RFX3: variants seen among roughly 807,000 people sequenced by gnomAD.
The protein encoded by RFX3 is regulatory factor X3.
A neutral mutation model predicts 98.6 loss-of-function variants in RFX3; 14 were observed. The ratio of observed to expected loss-of-function variants is 0.14; its 90% CI spans 0.09 to 0.22. The LOEUF (loss-of-function observed/expected upper bound fraction) is 0.22, where lower values mean the gene tolerates loss of function less well. Among genes scored for constraint, RFX3 ranks in the 10% least tolerant of loss-of-function variants. The probability of loss-of-function intolerance (pLI) is 1.00; values close to 1 mark genes in which losing one functional copy is unlikely to be tolerated. For missense variants in RFX3, 639 were observed against 926.9 expected, an observed-to-expected ratio of 0.69 and a Z score of 4.03; for synonymous variants, 383 against 328.4, an observed-to-expected ratio of 1.17 and a Z score of -1.80.
At chr9:3,239,972 G>C (rs1028376737) in intron 15 of RFX3, among the ~76,000 whole-genome samples, 2 of 152,182 alleles carry the variant, frequency 1.3e-5, no homozygotes, top group African/African-American at 2.4e-5. Flanking sequence ...AGCCAAAAAG[G>C]GGCAGCTGTT....
At chr9:3,300,312 A>C (rs1828495139) in intron 5 of RFX3, among the ~76,000 whole-genome samples, 1 of 151,792 alleles carries the variant, frequency 6.6e-6, no homozygotes, top group Admixed American at 6.6e-5. Context: ...TGTATGTATA[A>C]TTTGTCACCA....
chr9:3,512,047 G>C (rs764587846), intron 1 of RFX3, among the ~76,000 whole-genome samples: 2 of 152,030 alleles, frequency 1.3e-5, no homozygotes, highest in South Asian at 4.1e-4. Flanking sequence ...TGCATGTATC[G>C]AAATATCCCT....
intron 4 of RFX3, among the ~76,000 whole-genome samples, chr9:3,302,471 C>A (rs1828780066): frequency 6.6e-6 from 1 of 151,770 alleles, no homozygotes; most frequent in Non-Finnish European, 1.5e-5. Context: ...GCATTAAAAA[C>A]AGGTACTGAA....
intron 1 of RFX3, among the ~76,000 whole-genome samples, chr9:3,480,523 T>C (rs779794085): frequency 5.3e-5 from 8 of 152,180 alleles, no homozygotes; most frequent in Non-Finnish European, 1.0e-4. Context: ...ATGCCATCAA[T>C]GTAATAGACA....
intron 15 of RFX3, among the ~76,000 whole-genome samples, chr9:3,241,071 C>T (rs895974750): frequency 6.6e-6 from 1 of 152,160 alleles, no homozygotes; most frequent in Non-Finnish European, 1.5e-5. Flanking sequence ...AAGTCTTCAA[C>T]TTCTATTTTG....
rs912840170 is a variant in RFX3 at position 3,342,378 on chromosome 9, G to C, written c.215+4289C>G. 5.3e-5 allele frequency among the ~76,000 whole-genome samples: 8 copies of C among 152,256 alleles called. No individual in the cohort carries two copies. In the East Asian group the frequency reaches 1.5e-3, roughly 29 times the overall value. On this transcript the variant is annotated intron_variant, in intron 3 of 16. Transcript: ENST00000617270. ...AGGGACTAATGTACAATGGATCATG[G>C]TATGAGAAGTTATGTACTGGAGTTG...
At chr9:3,342,801 A>G (rs534717714) in intron 3 of RFX3, among the ~76,000 whole-genome samples, 2 of 152,328 alleles carry the variant, frequency 1.3e-5, no homozygotes, top group African/African-American at 4.8e-5. Flanking sequence ...GTAAGAATTT[A>G]TAGAAATAAA....
At chr9:3,383,816 G>A (rs1263228732) in intron 2 of RFX3, among the ~76,000 whole-genome samples, 1 of 152,030 alleles carries the variant, frequency 6.6e-6, no homozygotes, top group African/African-American at 2.4e-5. Flanking sequence ...CTGGTAAGCG[G>A]AAAACCTGAT....
rs927571230 is a variant in RFX3 at position 3,399,769 on chromosome 9, G to C, written c.-8-4173C>G. 3.3e-5 allele frequency among the ~76,000 whole-genome samples: 5 copies of C among 151,890 alleles called. No individual in the cohort carries two copies. In the South Asian group the frequency reaches 6.2e-4, roughly 19 times the overall value. On this transcript the variant is annotated intron_variant, in intron 1 of 16. Transcript: ENST00000617270. Reference sequence around the variant, plus strand: ...GTTTGAGACCAGCCTGAACAACATGGTGAAACCCCGCCTCTACTAAAATAC... The same window carrying C: ...GTTTGAGACCAGCCTGAACAACATGCTGAAACCCCGCCTCTACTAAAATAC...
intron 1 of RFX3, among the ~76,000 whole-genome samples, chr9:3,520,662 C>T (rs1331246588): frequency 2.0e-5 from 3 of 152,090 alleles, no homozygotes; most frequent in African/African-American, 4.8e-5. Context: ...GCATGAAGTA[C>T]GGATTGCATT....
Position 3,477,915 on chromosome 9 carries a change from A to G in RFX3, c.-9+47832T>C, listed in dbSNP as rs1849410517. On this transcript the variant is annotated intron_variant, in intron 1 of 16. Transcript: ENST00000617270. ...AAGATTCCTTCATTTGCCAATTTAT[A>G]TCTGTTGTTGAGCTCCTCTAGTGAA... Among the ~76,000 whole-genome samples, 4 of 152,066 alleles carry G rather than the reference A, an allele frequency of 2.6e-5. No individual in the cohort carries two copies. In the South Asian group the frequency reaches 8.3e-4, roughly 32 times the overall value.
At chr9:3,469,354 G>A (rs1848579965) in intron 1 of RFX3, among the ~76,000 whole-genome samples, 1 of 151,896 alleles carries the variant, frequency 6.6e-6, no homozygotes. Flanking sequence ...GAAATACTTC[G>A]TTCTGAATTT....
Position 3,525,941 on chromosome 9 carries a change from GGAGAGA to G in RFX3, c.-209_-204del, listed in dbSNP as rs145015971. On this transcript the variant is annotated 5_prime_UTR_variant, in exon 1 of 17. Coordinates refer to ENST00000617270, the MANE Select transcript of RFX3 (RefSeq NM_001282116.2). ...TAACTCACAAAAGAGAGAGAGAGAG[GGAGAGA>G]GAGAGAGAGCGAGAGGGAGAGGGAG... 2.6e-6 allele frequency: 2 copies of G among 781,836 alleles called. No homozygotes were observed. The highest frequency in any genetic ancestry group is 3.1e-6 in the Non-Finnish European group (2 of 648,244). The allele number at this position is 781,836 out of a possible 1,614,324, so 48.4% of individuals were successfully genotyped here.
At chr9:3,228,369 C>G (rs892548130) in intron 16 of RFX3, among the ~76,000 whole-genome samples, 2 of 152,156 alleles carry the variant, frequency 1.3e-5, no homozygotes, top group Non-Finnish European at 2.9e-5. Flanking sequence ...ACATATGTTA[C>G]CTTTTTCATC....
Position 3,525,926 on chromosome 9 carries a change from AAGAGAG to A in RFX3, c.-194_-189del, listed in dbSNP as rs1189123449. On this transcript the variant is annotated 5_prime_UTR_variant, in exon 1 of 17. Transcript: ENST00000617270. ...AGGCAACGGTTGCTATAACTCACAA[AAGAGAG>A]AGAGAGAGGGAGAGAGAGAGAGAGC... 3.1e-6 allele frequency: 3 copies of A among 957,626 alleles called. No individual in the cohort carries two copies. The highest frequency in any genetic ancestry group is 6.3e-5 in the Admixed American group (1 of 15,834). The allele number at this position is 957,626 out of a possible 1,614,324, so 59.3% of individuals were successfully genotyped here.
At chr9:3,320,462 G>A (rs922405555) in intron 4 of RFX3, among the ~76,000 whole-genome samples, 11 of 151,610 alleles carry the variant, frequency 7.3e-5, no homozygotes, top group Middle Eastern at 3.4e-3. Context: ...TGAGGCAGGA[G>A]AATCACTTGA....
chr9:3,429,901 C>T (rs78188187), intron 1 of RFX3, among the ~76,000 whole-genome samples: 4,132 of 152,302 alleles, frequency 0.027, 203 homozygotes, highest in African/African-American at 0.095. Flanking sequence ...TCTGTCTAAG[C>T]AGTGGCTTCC....
intron 1 of RFX3, among the ~76,000 whole-genome samples, chr9:3,447,387 C>A (rs551613647): frequency 1.2e-4 from 19 of 152,058 alleles, no homozygotes; most frequent in Admixed American, 1.2e-3. Context: ...GATTTCAGAG[C>A]CCAGCAATGC....
In RFX3 at chr9:3,271,000, G is replaced by T; in HGVS notation, c.1202+3C>A. On this transcript the variant is annotated splice_donor_region_variant and intron_variant, in intron 10 of 16. Transcript: ENST00000617270. ...ATGAATTGGAAAAGATGTTGATTCT[G>T]ACCTCGATTCGGTAATGGTAGTGCC... The T allele has an allele frequency of 6.2e-7, 1 of 1,613,696 alleles. No individual in the cohort carries two copies. The highest frequency in any genetic ancestry group is 1.1e-5 in the South Asian group (1 of 91,066).
Sources: allele counts gnomAD v4.1 joint callset (sites outside exome capture counted in the v4.1 genomes callset), GRCh38; gene constraint gnomAD v4.1.1; transcripts MANE v1.5; gene names NCBI Gene and HGNC (gene_info 2026-07-23, HGNC 2026-07-21).